The following ANO1 variants were observed in gnomAD, a reference collection of about 807,000 sequenced individuals.
ANO1 encodes anoctamin-1.
In ANO1, 59 loss-of-function variants were observed where a neutral mutation model predicts 124.0. The ratio of observed to expected loss-of-function variants is 0.48; its 90% CI spans 0.39 to 0.59. The LOEUF is 0.59. Ranked by LOEUF, ANO1 falls within the 20% of genes least tolerant of loss-of-function variation. ANO1 has a pLI of 0.00. For missense variants in ANO1, 1,059 were observed against 1,328.0 expected (o/e 0.80, Z 3.15); for synonymous variants, 529 against 532.0 (o/e 0.99, Z 0.08).
At chr11:70,101,950 C>A (rs2045295905) in intron 2 of ANO1, among the ~76,000 whole-genome samples, 1 of 152,226 alleles carries the variant, frequency 6.6e-6, no homozygotes, top group Non-Finnish European at 1.5e-5. Flanking sequence ...AGACTCGGCA[C>A]TGTTTCCCTT....
At chr11:70,176,053 G>A (rs1416142154) in intron 22 of ANO1, among the ~76,000 whole-genome samples, 1 of 152,004 alleles carries the variant, frequency 6.6e-6, no homozygotes, top group Admixed American at 6.6e-5. Context: ...TACATTTTAG[G>A]GAGACATGAA....
At chr11:70,095,391 A>C (rs925976267) in intron 2 of ANO1, among the ~76,000 whole-genome samples, 2 of 37,536 alleles carry the variant, frequency 5.3e-5, no homozygotes, top group South Asian at 2.1e-3. Flanking sequence ...AGAAAGAAAG[A>C]AAGAAAGAAA....
chr11:70,066,136 G>A (rs1007421428), intron 1 of ANO1, among the ~76,000 whole-genome samples: 43 of 152,300 alleles, frequency 2.8e-4, no homozygotes, highest in African/African-American at 9.1e-4. Context: ...AAGTGTCGCT[G>A]AATGAATGAA....
At chr11:70,157,115 C>G in intron 16 of ANO1, 94 bp downstream of exon 16, 2 of 1,205,412 alleles carry the variant, frequency 1.7e-6, no homozygotes, top group Non-Finnish European at 2.4e-6. Flanking sequence ...GACTGTAATC[C>G]CAGCACTTTG....
chr11:69,990,859 T>C (rs1016357955), intron 1 of ANO1, among the ~76,000 whole-genome samples: 2 of 152,256 alleles, frequency 1.3e-5, no homozygotes, highest in Admixed American at 1.3e-4. Flanking sequence ...AGAGCTTGGA[T>C]ATTAAACTTT....
intron 1 of ANO1, among the ~76,000 whole-genome samples, chr11:69,991,258 A>G (rs552058494): frequency 3.3e-4 from 50 of 152,212 alleles, no homozygotes; most frequent in Non-Finnish European, 6.8e-4. Flanking sequence ...AATAATTACA[A>G]CAATCACAAA....
At chr11:70,064,205 AG>A (rs1857663005) in intron 1 of ANO1, 1 of 152,276 alleles carries the variant, frequency 6.6e-6, no homozygotes, top group South Asian at 2.1e-4. Flanking sequence ...TCTGGAAGCC[AG>A]TGGCCTCTCA....
intron 1 of ANO1, among the ~76,000 whole-genome samples, chr11:70,009,455 T>G (rs1422726429): frequency 1.3e-5 from 2 of 152,182 alleles, no homozygotes; most frequent in African/African-American, 2.4e-5. Context: ...AGTGACTTCT[T>G]CTTTCCCTGG....
At chr11:70,073,468 C>T (rs1334267315), upstream of ANO1, among the ~76,000 whole-genome samples, 3 of 152,092 alleles carry the variant, frequency 2.0e-5, no homozygotes, top group Admixed American at 1.3e-4. Flanking sequence ...TCATAGTAAG[C>T]GCTGCGCAGC....
intron 11 of ANO1, among the ~76,000 whole-genome samples, chr11:70,144,071 G>C (rs879361605): frequency 6.6e-6 from 1 of 152,020 alleles, no homozygotes. Context: ...CAGATTTCAG[G>C]GGGGCTGGGC....
intron 1 of ANO1, among the ~76,000 whole-genome samples, chr11:70,083,663 C>T (rs1303856019): frequency 6.6e-6 from 1 of 152,166 alleles, no homozygotes; most frequent in Non-Finnish European, 1.5e-5. Flanking sequence ...GTGGAATTTC[C>T]TCCCTGTCTC....
At chr11:70,043,146 G>C (rs544595464) in intron 1 of ANO1, among the ~76,000 whole-genome samples, 1 of 152,168 alleles carries the variant, frequency 6.6e-6, no homozygotes, top group Non-Finnish European at 1.5e-5. Flanking sequence ...ATAAGGAAAA[G>C]AATGAAAGCT....
intron 7 of ANO1, among the ~76,000 whole-genome samples, chr11:70,114,201 A>G (rs2045892912): frequency 6.6e-6 from 1 of 152,234 alleles, no homozygotes; most frequent in Admixed American, 6.5e-5. Context: ...AACAGGCTGG[A>G]GGAGCTCAGA....
At chr11:70,131,370 C>T (rs1452443523) in intron 10 of ANO1, among the ~76,000 whole-genome samples, 1 of 152,126 alleles carries the variant, frequency 6.6e-6, no homozygotes, top group African/African-American at 2.4e-5. Flanking sequence ...CTCTGTCACC[C>T]AGGCTGGAGT....
At chr11:70,164,959 G>C (rs891451634) in intron 19 of ANO1, among the ~76,000 whole-genome samples, 2 of 152,148 alleles carry the variant, frequency 1.3e-5, no homozygotes, top group Non-Finnish European at 2.9e-5. Flanking sequence ...GAGTGTGTCC[G>C]TTTCCTGGGG....
intron 2 of ANO1, among the ~76,000 whole-genome samples, chr11:70,096,824 G>A (rs909797392): frequency 4.6e-5 from 7 of 152,050 alleles, no homozygotes; most frequent in Non-Finnish European, 8.8e-5. Context: ...TTACGCCACC[G>A]CACTCCAGCC....
intron 2 of ANO1, among the ~76,000 whole-genome samples, chr11:70,095,352 AAGAAAGAAAGAAAGAAAGAAAG>A (rs2044857804): frequency 8.1e-5 from 1 of 12,404 alleles, no homozygotes; most frequent in Non-Finnish European, 1.6e-4. Flanking sequence ...AAGAAAAAGA[AAGAAAGAAAGAAAGAAAGAAAG>A]AAAGAAAGAA....
At chr11:70,156,554 A>G (rs1453942428) in intron 15 of ANO1, among the ~76,000 whole-genome samples, 1 of 152,172 alleles carries the variant, frequency 6.6e-6, no homozygotes, top group African/African-American at 2.4e-5. Flanking sequence ...TCTGGGTGGC[A>G]CTGGGAAAAC....
At chr11:70,081,541 G>T (rs1046476831) in intron 1 of ANO1, among the ~76,000 whole-genome samples, 1 of 152,178 alleles carries the variant, frequency 6.6e-6, no homozygotes, top group Non-Finnish European at 1.5e-5. Flanking sequence ...AAAACCAAAA[G>T]AAATTTTACA....
Sources: allele counts gnomAD v4.1 joint callset (sites outside exome capture counted in the v4.1 genomes callset), GRCh38; gene constraint gnomAD v4.1.1; transcripts MANE v1.5; gene names NCBI Gene and HGNC (gene_info 2026-07-23, HGNC 2026-07-21).